TAF1B: variants seen among roughly 807,000 people sequenced by gnomAD.
TAF1B encodes TATA box-binding protein-associated factor RNA polymerase I subunit B.
TAF1B carries 61 observed loss-of-function variants against 83.9 expected under a neutral mutation model. The observed-to-expected ratio is 0.73, with a 90% CI of 0.59 to 0.90. The LOEUF (loss-of-function observed/expected upper bound fraction) is 0.90. Ranked by LOEUF, TAF1B falls within the 40% of genes least tolerant of loss-of-function variation. TAF1B has a pLI of 0.00. For missense variants in TAF1B, 625 were observed against 677.0 expected (o/e 0.92, Z 0.85); for synonymous variants, 221 against 224.6 (o/e 0.98, Z 0.14).
At chr2:9,873,454 A>G (rs1474068578) in intron 6 of TAF1B, among the ~76,000 whole-genome samples, 2 of 152,010 alleles carry the variant, frequency 1.3e-5, no homozygotes, top group African/African-American at 4.8e-5. Flanking sequence ...GCTTTAACCA[A>G]CCACCAACTA....
intron 11 of TAF1B, among the ~76,000 whole-genome samples, chr2:9,912,482 C>A (rs139415906): frequency 9.1e-4 from 138 of 152,296 alleles, no homozygotes; most frequent in African/African-American, 3.2e-3. Flanking sequence ...ATACTACTTT[C>A]TGTACATTGC....
chr2:9,881,654 GTTC>G (rs1320290278), intron 7 of TAF1B, among the ~76,000 whole-genome samples: 10 of 152,096 alleles, frequency 6.6e-5, no homozygotes, highest in East Asian at 3.8e-4. Context: ...GAACAAGAAT[GTTC>G]TTCTGTTTTG....
chr2:9,865,052 C>T lies in TAF1B; in HGVS notation c.400-3224C>T, dbSNP rs569358847. 7.9e-5 allele frequency among the ~76,000 whole-genome samples: 12 copies of T among 152,284 alleles called. No individual in the cohort carries two copies. In the South Asian group the frequency reaches 2.5e-3, roughly 32 times the overall value. On this transcript the variant is annotated intron_variant, in intron 5 of 14. Coordinates refer to ENST00000263663, the MANE Select transcript of TAF1B (RefSeq NM_005680.3). ...CACAAGACAGGGATGCCCTCTCTCA[C>T]CACTCCTATTGAACATAGTGTTGGA...
At chr2:9,855,136 A>G (rs1189616162) in intron 5 of TAF1B, among the ~76,000 whole-genome samples, 1 of 152,152 alleles carries the variant, frequency 6.6e-6, no homozygotes. Flanking sequence ...CTGGGATTAC[A>G]GGCGCCCGCC....
At position 9,844,631 on chromosome 2, in the gene TAF1B, T is replaced by C. The variant is rs140219038; in HGVS notation, c.19-589T>C. 6.6e-3 allele frequency among the ~76,000 whole-genome samples: 1,002 copies of C among 152,330 alleles called. 5 individuals carry two copies. The highest frequency in any genetic ancestry group is 0.01 in the Middle Eastern group (3 of 294). On this transcript the variant is annotated intron_variant, in intron 1 of 14. Coordinates refer to ENST00000263663, the MANE Select transcript of TAF1B (RefSeq NM_005680.3). ...TTACTGATGATGGTTGGCTAACTTC[T>C]GTAAATGCTAGGCTGATGAAATGAA...
chr2:9,910,438 A>G (rs933275040), intron 9 of TAF1B, among the ~76,000 whole-genome samples: 9 of 152,228 alleles, frequency 5.9e-5, no homozygotes, highest in Non-Finnish European at 1.2e-4. Flanking sequence ...AAACACTGCT[A>G]TAGAAACACA....
chr2:9,849,338 G>A (rs377499866), intron 2 of TAF1B, 35 bp from the exon 3 acceptor site: 8 of 1,508,842 alleles, frequency 5.3e-6, no homozygotes, highest in East Asian at 2.3e-5. Flanking sequence ...GATGTAAAAC[G>A]ATCTTTTTTA....
chr2:9,933,180 G>C (rs1189980720), intron 14 of TAF1B, among the ~76,000 whole-genome samples: 3 of 152,222 alleles, frequency 2.0e-5, no homozygotes, highest in East Asian at 3.9e-4. Flanking sequence ...TGTGCAGCCA[G>C]TCCCAGTGAG....
chr2:9,875,621 G>T (rs1285111680), intron 6 of TAF1B, among the ~76,000 whole-genome samples: 1 of 152,052 alleles, frequency 6.6e-6, no homozygotes, highest in South Asian at 2.1e-4. Flanking sequence ...ATCAGATCTC[G>T]TGAGATGTAT....
At chr2:9,888,502 G>C (rs896212233) in intron 8 of TAF1B, among the ~76,000 whole-genome samples, 4 of 151,558 alleles carry the variant, frequency 2.6e-5, no homozygotes, top group East Asian at 3.9e-4. Context: ...TGCTTTTCTT[G>C]TTCTAAAAAA....
rs959695476 is a variant in TAF1B at position 9,885,745 on chromosome 2, C to A, written c.807+2940C>A. 6.7e-5 allele frequency among the ~76,000 whole-genome samples: 10 copies of A among 149,284 alleles called. No individual in the cohort carries two copies. The East Asian group carries it at 1.9e-3, about 29-fold the overall frequency. Reference sequence around the variant, plus strand: ...ATGTCTCCCTTCTTTCTCCCCACGCCCCCCCCCACTTTGTCCTTCTCTCCC... The same window carrying A: ...ATGTCTCCCTTCTTTCTCCCCACGCACCCCCCCACTTTGTCCTTCTCTCCC... On this transcript the variant is annotated intron_variant, in intron 8 of 14. Transcript: ENST00000263663.
chr2:9,860,527 TA>T (rs1313532209), intron 5 of TAF1B, among the ~76,000 whole-genome samples: 1 of 152,152 alleles, frequency 6.6e-6, no homozygotes, highest in African/African-American at 2.4e-5. Flanking sequence ...AGCTAGTATT[TA>T]AAACTGTAAG....
At chr2:9,929,667 A>G (rs1454560673) in intron 14 of TAF1B, among the ~76,000 whole-genome samples, 1 of 152,184 alleles carries the variant, frequency 6.6e-6, no homozygotes, top group Non-Finnish European at 1.5e-5. Context: ...TGTCTCTGCC[A>G]GGCTTTGGTA....
At chr2:9,873,823 G>A (rs187548536) in intron 6 of TAF1B, among the ~76,000 whole-genome samples, 22 of 151,720 alleles carry the variant, frequency 1.5e-4, no homozygotes, top group Non-Finnish European at 2.2e-4. Flanking sequence ...CAATGCTACC[G>A]CTCCAGTCCA....
chr2:9,910,857 A>G lies in TAF1B; in HGVS notation c.1077A>G (p.Val359=). 6.2e-7 allele frequency: 1 copy of G among 1,613,590 alleles called. No individual in the cohort carries two copies. The highest frequency in any genetic ancestry group is 8.5e-7 in the Non-Finnish European group (1 of 1,179,726). Residue 359 remains valine, a synonymous_variant, in exon 10 of 15, where the codon GTA becomes GTG. Coordinates refer to ENST00000263663, the MANE Select transcript of TAF1B (RefSeq NM_005680.3). ...AKTVKYDVQA[V]AIIVVVLKLL... Reference sequence around the variant, plus strand: ...CTGTTAAGTACGATGTACAAGCTGTAGCTATCATTGTGGTGGTATTGAAAC... The same window carrying G: ...CTGTTAAGTACGATGTACAAGCTGTGGCTATCATTGTGGTGGTATTGAAAC...
intron 7 of TAF1B, among the ~76,000 whole-genome samples, chr2:9,882,109 CTTTTT>C (rs756368455): frequency 4.2e-5 from 6 of 144,480 alleles, no homozygotes; most frequent in Admixed American, 1.4e-4. Context: ...TTCTTGAACA[CTTTTT>C]TTTTTTTTTG....
At position 9,914,575 on chromosome 2, in the gene TAF1B, A is replaced by T. The variant is rs1283278327; in HGVS notation, c.1271+1326A>T. Among the ~76,000 whole-genome samples, 1 of 152,058 alleles carries T rather than the reference A, an allele frequency of 6.6e-6. No homozygotes were observed. Among genetic ancestry groups the T allele is most frequent in the Non-Finnish European group, 1.5e-5 (1 of 68,020 alleles). ...AAGCCAGACACCAACCTACACTTTA[A>T]ACATAGCTCTTGGAGGCCCAGTTCA... On this transcript the variant is annotated intron_variant, in intron 12 of 14. Coordinates refer to ENST00000263663, the MANE Select transcript of TAF1B (RefSeq NM_005680.3). This position sits in a 1 kb window ranked among gnomAD's most constrained non-coding sequence, Gnocchi z 4.3.
At chr2:9,882,869 T>C (rs1184121429) in intron 8 of TAF1B, 64 bp downstream of exon 8, 6 of 1,178,058 alleles carry the variant, frequency 5.1e-6, no homozygotes, top group Non-Finnish European at 7.2e-6. Context: ...TGATAATTTC[T>C]ATTTCTTGCT....
intron 14 of TAF1B, among the ~76,000 whole-genome samples, chr2:9,925,637 A>G (rs908960763): frequency 2.5e-4 from 37 of 150,438 alleles, no homozygotes; most frequent in Admixed American, 2.4e-3. Flanking sequence ...GCTAGAGTGC[A>G]GTGACACAAT....
Sources: gnomAD v4.1 joint callset for allele counts (sites outside exome capture counted in the v4.1 genomes callset) on GRCh38, gnomAD v4.1.1 for gene constraint, Gnocchi (gnomAD v3.1) non-coding constraint, MANE v1.5 for transcripts, NCBI Gene and HGNC (gene_info 2026-07-23, HGNC 2026-07-21) for gene names.